The following ATP9A variants were observed in gnomAD, a reference collection of about 807,000 sequenced individuals.
ATP9A encodes the protein probable phospholipid-transporting ATPase IIA.
Under a neutral mutation model 144.1 loss-of-function variants are expected in ATP9A, and 52 were observed. The ratio of observed to expected loss-of-function variants is 0.36; its 90% CI spans 0.29 to 0.45. The LOEUF (loss-of-function observed/expected upper bound fraction) is 0.45. Among genes scored for constraint, ATP9A ranks in the 20% least tolerant of loss-of-function variants. ATP9A has a pLI of 1.00. For missense variants in ATP9A, 947 were observed against 1,392.7 expected (o/e 0.68, Z 5.09); for synonymous variants, 582 against 557.4 (o/e 1.04, Z -0.62).
intron 26 of ATP9A, among the ~76,000 whole-genome samples, chr20:51,605,643 C>T (rs1009274441): frequency 6.6e-6 from 1 of 150,490 alleles, no homozygotes. Flanking sequence ...AAAATGATGT[C>T]GTGACTCACA....
intron 1 of ATP9A, among the ~76,000 whole-genome samples, chr20:51,761,910 G>A (rs1375221022): frequency 3.3e-5 from 5 of 152,106 alleles, no homozygotes; most frequent in Non-Finnish European, 7.3e-5. Flanking sequence ...GGCTCCAACC[G>A]AGTCCGTTTC....
Position 51,607,359 on chromosome 20 carries a change from T to C in ATP9A, c.2803+168A>G, listed in dbSNP as rs576611144. On this transcript the variant is annotated intron_variant, in intron 26 of 27. Coordinates refer to ENST00000338821, the MANE Select transcript of ATP9A (RefSeq NM_006045.3). ...ACACAGCAGCACTGTGCATGTCTGA[T>C]GTTCAAGTCCTTATACAGGGTGAGC... Among the ~76,000 whole-genome samples, 5 of 152,372 alleles carry C rather than the reference T, an allele frequency of 3.3e-5. No homozygotes were observed. The East Asian group carries it at 7.7e-4, about 24-fold the overall frequency.
chr20:51,756,096 A>G (rs2077854711), intron 1 of ATP9A, among the ~76,000 whole-genome samples: 1 of 152,218 alleles, frequency 6.6e-6, no homozygotes, highest in Non-Finnish European at 1.5e-5. Context: ...GGCTGCCATA[A>G]TAAAATATCA....
chr20:51,621,270 A>G (rs1400245963), intron 19 of ATP9A, among the ~76,000 whole-genome samples: 1 of 152,174 alleles, frequency 6.6e-6, no homozygotes, highest in African/African-American at 2.4e-5. Context: ...GAATCTGTGA[A>G]TGATGAGAAC....
At chr20:51,656,631 C>A (rs1298536898) in intron 14 of ATP9A, among the ~76,000 whole-genome samples, 1 of 152,108 alleles carries the variant, frequency 6.6e-6, no homozygotes, top group Non-Finnish European at 1.5e-5. Flanking sequence ...TAATTAAGAT[C>A]TTAATTATTT....
intron 1 of ATP9A, among the ~76,000 whole-genome samples, chr20:51,741,427 A>G (rs1420518149): frequency 6.6e-6 from 1 of 152,110 alleles, no homozygotes; most frequent in Non-Finnish European, 1.5e-5. Flanking sequence ...AAAATACAAA[A>G]TTAGCCAGGC....
intron 1 of ATP9A, among the ~76,000 whole-genome samples, chr20:51,762,201 C>T (rs1601151181): frequency 6.6e-6 from 1 of 151,994 alleles, no homozygotes; most frequent in African/African-American, 2.4e-5. Context: ...CCCGTCTCTA[C>T]CAAAAATACA....
chr20:51,662,472 G>A (rs1256266398), intron 13 of ATP9A, among the ~76,000 whole-genome samples: 2 of 151,736 alleles, frequency 1.3e-5, no homozygotes, highest in African/African-American at 4.8e-5. Context: ...TTGAACCTGG[G>A]AGGCAGAGGT....
At chr20:51,718,254 T>C (rs908528588) in intron 3 of ATP9A, among the ~76,000 whole-genome samples, 2 of 152,010 alleles carry the variant, frequency 1.3e-5, no homozygotes, top group African/African-American at 2.4e-5. Context: ...AGGTAAGTTA[T>C]AGTATACATA....
At position 51,599,201 on chromosome 20, in the gene ATP9A, A is replaced by C. The variant is rs773958951; in HGVS notation, c.*2010T>G. Reference sequence around the variant, plus strand: ...CGAATCTCCGAGCAAAGCCAGGTACAGGGTTTGCAAAGTCTAAACAGGACT... The same window carrying C: ...CGAATCTCCGAGCAAAGCCAGGTACCGGGTTTGCAAAGTCTAAACAGGACT... On this transcript the variant is annotated 3_prime_UTR_variant, in exon 28 of 28. Transcript: ENST00000338821. The C allele has an allele frequency of 6.6e-6, 1 of 152,242 alleles. No individual in the cohort carries two copies. The highest frequency in any genetic ancestry group is 2.4e-5 in the African/African-American group (1 of 41,454). The allele number at this position is 152,242 out of a possible 1,614,324, so 9.4% of individuals were successfully genotyped here.
At chr20:51,619,092 T>C (rs371818672) in intron 19 of ATP9A, 49 bp from the exon 20 acceptor site, 22 of 1,538,332 alleles carry the variant, frequency 1.4e-5, no homozygotes, top group Middle Eastern at 1.7e-4. Context: ...CCGGACATGA[T>C]AGAACAACAA....
chr20:51,743,548 C>T (rs1386719295), intron 1 of ATP9A, among the ~76,000 whole-genome samples: 1 of 150,738 alleles, frequency 6.6e-6, no homozygotes, highest in Non-Finnish European at 1.5e-5. Context: ...TACAGGCGTG[C>T]ACCACCACGC....
At chr20:51,623,151 C>T (rs2077233677) in intron 18 of ATP9A, among the ~76,000 whole-genome samples, 1 of 152,184 alleles carries the variant, frequency 6.6e-6, no homozygotes, top group African/African-American at 2.4e-5. Context: ...GGCCCTCTCC[C>T]CTAGCTGGGT....
chr20:51,693,758 T>C (rs563071054), intron 7 of ATP9A, among the ~76,000 whole-genome samples: 1 of 152,150 alleles, frequency 6.6e-6, no homozygotes, highest in Non-Finnish European at 1.5e-5. Context: ...CTTTTCAATT[T>C]TGGTGAGGCC....
In ATP9A at chr20:51,665,300, A is replaced by G. The variant is rs139834818; in HGVS notation, c.1293+4697T>C. Among the ~76,000 whole-genome samples, 490 of 152,316 alleles carry G rather than the reference A, an allele frequency of 3.2e-3. 3 individuals are homozygous for G. The highest frequency in any genetic ancestry group is 0.011 in the African/African-American group (442 of 41,568). Reference sequence around the variant, plus strand: ...GGCTTTCTTTTTAGGGTTGATAAAAATGTTCTAAAATTAGACAGTACCAAT... The same window carrying G: ...GGCTTTCTTTTTAGGGTTGATAAAAGTGTTCTAAAATTAGACAGTACCAAT... On this transcript the variant is annotated intron_variant, in intron 13 of 27. Coordinates refer to ENST00000338821, the MANE Select transcript of ATP9A (RefSeq NM_006045.3).
At chr20:51,738,530 CCT>C (rs1429655247) in intron 1 of ATP9A, among the ~76,000 whole-genome samples, 1 of 150,776 alleles carries the variant, frequency 6.6e-6, no homozygotes, top group Non-Finnish European at 1.5e-5. Flanking sequence ...GTGGTGAAAC[CCT>C]GTCTCTACTA....
intron 1 of ATP9A, among the ~76,000 whole-genome samples, chr20:51,746,414 G>T (rs1408697032): frequency 2.0e-5 from 3 of 152,240 alleles, no homozygotes; most frequent in African/African-American, 7.2e-5. Context: ...AGGAGTGGAA[G>T]GAGGCTGGGC....
chr20:51,705,028 A>T (rs1273483913), intron 4 of ATP9A, among the ~76,000 whole-genome samples: 1 of 151,652 alleles, frequency 6.6e-6, no homozygotes, highest in African/African-American at 2.4e-5. Context: ...TCTCTTCTTT[A>T]AAAAAAAATC....
intron 7 of ATP9A, among the ~76,000 whole-genome samples, chr20:51,692,666 G>A (rs956322253): frequency 2.0e-5 from 3 of 152,176 alleles, no homozygotes; most frequent in African/African-American, 7.2e-5. Context: ...GCCGGGCGTG[G>A]TGGCGGGTGC....
Sources: allele counts gnomAD v4.1 joint callset (sites outside exome capture counted in the v4.1 genomes callset), GRCh38; gene constraint gnomAD v4.1.1; transcripts MANE v1.5; gene names NCBI Gene and HGNC (gene_info 2026-07-23, HGNC 2026-07-21).